Variants in TGM4 observed in about 807,000 individuals in gnomAD.
The protein encoded by TGM4 is protein-glutamine gamma-glutamyltransferase 4.
A neutral mutation model predicts 76.3 loss-of-function variants in TGM4; 61 were observed. The ratio of observed to expected loss-of-function variants is 0.80; its 90% confidence interval spans 0.65 to 0.99. The LOEUF is 0.99. TGM4 is among the 50% of genes least tolerant of loss of function. The pLI, the probability that TGM4 is intolerant of heterozygous loss-of-function variation, is 0.00. For missense variants in TGM4, 794 were observed against 843.2 expected (o/e 0.94, Z 0.72); for synonymous variants, 337 against 329.8 (o/e 1.02, Z -0.24).
chr3:44,895,062 G>A (rs1250927581), intron 5 of TGM4, among the ~76,000 whole-genome samples: 3 of 151,482 alleles, frequency 2.0e-5, no homozygotes, highest in Admixed American at 6.6e-5. Flanking sequence ...TTGGGAGGCC[G>A]AAGCAGGCAG....
chr3:44,896,427 C>G (rs1401600187), intron 5 of TGM4, among the ~76,000 whole-genome samples: 1 of 152,098 alleles, frequency 6.6e-6, no homozygotes, highest in Non-Finnish European at 1.5e-5. Context: ...ATTTATTTGA[C>G]TTGATTACAA....
At chr3:44,896,074 G>A (rs1448165133) in intron 5 of TGM4, among the ~76,000 whole-genome samples, 2 of 151,980 alleles carry the variant, frequency 1.3e-5, no homozygotes, top group Non-Finnish European at 1.5e-5. Flanking sequence ...TCACAATTTT[G>A]TAGCCTGTTT....
intron 8 of TGM4, chr3:44,903,616 T>C: frequency 2.1e-6 from 1 of 468,212 alleles, no homozygotes; most frequent in South Asian, 2.6e-5. Flanking sequence ...CCCAGGCTCT[T>C]TGAAATCCAT....
At position 44,911,330 on chromosome 3, in the gene TGM4, C is replaced by G. The variant is rs752335009; in HGVS notation, c.1837C>G (p.Leu613Val). The G allele has an allele frequency of 1.2e-6, 2 of 1,614,262 alleles. No homozygotes were observed. The highest frequency in any genetic ancestry group is 3.3e-5 in the Admixed American group (2 of 60,034). The change falls in exon 13 of 14, where the codon CTG (leucine) becomes GTG (valine). Residue 613 changes from leucine to valine, a missense_variant. Coordinates refer to ENST00000296125, the MANE Select transcript of TGM4 (RefSeq NM_003241.4). Reference sequence around the variant, plus strand: ...CTGCAATTGTATCTTCAAGAATACCCTGGCCATCCCTTTGACTGACGTCAA... The same window carrying G: ...CTGCAATTGTATCTTCAAGAATACCGTGGCCATCCCTTTGACTGACGTCAA... ...LVCNCIFKNT[L>V]AIPLTDVKFS...
intron 6 of TGM4, chr3:44,899,604 C>T (rs781462014): frequency 1.3e-5 from 2 of 152,168 alleles, no homozygotes; most frequent in African/African-American, 2.4e-5. Flanking sequence ...CTGGCAGGGT[C>T]GCCTAAAGAC....
chr3:44,913,769 C>T lies in TGM4; in HGVS notation c.*44C>T, dbSNP rs1453095473. 3 of 1,588,492 alleles carry T rather than the reference C, an allele frequency of 1.9e-6. No homozygotes were observed. The highest frequency in any genetic ancestry group is 2.7e-5 in the African/African-American group (2 of 73,800). ...AGCCTTAGTTGAGATTTCAGCATTT[C>T]CTACCTTGTGCTTAGCTTTCAGATT... On this transcript the variant is annotated 3_prime_UTR_variant, in exon 14 of 14. Transcript: ENST00000296125.
Position 44,885,434 on chromosome 3 carries a change from C to T in TGM4, c.129C>T (p.His43=), listed in dbSNP as rs752662091. Residue 43 remains histidine (H), a synonymous_variant, in exon 2 of 14, where the codon CAC becomes CAT. Transcript: ENST00000296125. ...TGTTCCGGCGAGGACAGGTGTTTCACCTGCGGCTGGTGCTGAACCAGCCCC... is the reference window on the plus strand; with the variant it reads ...TGTTCCGGCGAGGACAGGTGTTTCATCTGCGGCTGGTGCTGAACCAGCCCC... The part of the protein sequence containing the change: ...SPVFRRGQVF[H]LRLVLNQPLQ... The T allele has an allele frequency of 1.2e-6, 2 of 1,613,626 alleles. No homozygotes were observed. Among genetic ancestry groups the T allele is most frequent in the Admixed American group, 1.7e-5 (1 of 60,014 alleles).
rs200879504 is a variant in TGM4 at position 44,890,623 on chromosome 3, T to G, written c.321T>G (p.Ser107Arg). Residue 107 changes from serine to arginine, a missense_variant, in exon 4 of 14, where the codon AGT (serine) becomes AGG (arginine). Physicochemically the swap from Ser to Arg is moderately radical, Grantham distance 110. Coordinates refer to ENST00000296125, the MANE Select transcript of TGM4 (RefSeq NM_003241.4). ...CTCAGGTCACAGTGGCTGTCACCAG[T>G]TCCCCCAATGCCATCCTGGGCAAGT... The part of the protein sequence containing the change: ...SGKEVTVAVT[S>R]SPNAILGKYQ... 28 of 1,614,068 alleles carry G rather than the reference T, an allele frequency of 1.7e-5. No individual in the cohort carries two copies. The highest frequency in any genetic ancestry group is 3.3e-5 in the Admixed American group (2 of 60,010).
intron 6 of TGM4, among the ~76,000 whole-genome samples, chr3:44,898,280 CAAAAAAAAAA>C (rs35054781): frequency 1.0e-5 from 1 of 98,822 alleles, no homozygotes; most frequent in South Asian, 3.4e-4. Context: ...GACTCTGTCT[CAAAAAAAAAA>C]AAAAAAAAGA....
At position 44,910,988 on chromosome 3, in the gene TGM4, A is replaced by G; in HGVS notation, c.1637A>G (p.Lys546Arg). The change falls in exon 12 of 14, where the codon AAG becomes AGG. Residue 546 changes from lysine (K) to arginine (R), a missense_variant. Lys to Arg is a conservative substitution (Grantham distance 26). Coordinates refer to ENST00000296125, the MANE Select transcript of TGM4 (RefSeq NM_003241.4). The part of the protein sequence containing the change: ...VSEVTLTLDS[K>R]TYINSLAILD... ...GAAGTGACTCTGACCTTGGACTCCA[A>G]GACCTACATCAACAGCCTGGCTATA... The G allele has an allele frequency of 6.2e-7, 1 of 1,614,206 alleles. No individual in the cohort carries two copies. The highest frequency in any genetic ancestry group is 8.5e-7 in the Non-Finnish European group (1 of 1,180,036).
intron 10 of TGM4, among the ~76,000 whole-genome samples, chr3:44,909,748 T>G (rs992769335): frequency 4.6e-5 from 7 of 152,236 alleles, no homozygotes; most frequent in African/African-American, 1.7e-4. Flanking sequence ...GAGATTGTGC[T>G]GTTTTTCTTG....
At chr3:44,887,861 G>A (rs1461802675) in intron 3 of TGM4, 66 bp downstream of exon 3, 1 of 1,402,146 alleles carries the variant, frequency 7.1e-7, no homozygotes, top group East Asian at 2.3e-5. Flanking sequence ...AATGTGAGCA[G>A]CCCCTATCCC....
chr3:44,908,938 T>C (rs1182652038), intron 10 of TGM4, among the ~76,000 whole-genome samples: 1 of 152,214 alleles, frequency 6.6e-6, no homozygotes, highest in Non-Finnish European at 1.5e-5. Context: ...AAGAACATAA[T>C]ATGGCAACTC....
chr3:44,896,726 G>A lies in TGM4; in HGVS notation c.567G>A (p.Leu189=), dbSNP rs141818255. ...WNFGQFEKNV[L]DCCISLLTES... ...CAAAATAGTTTGAGAAAAATGTCCT[G>A]GACTGCTGCATTTCCCTGCTGACTG... is the stretch of plus-strand genomic sequence containing the variant. The change falls in exon 6 of 14, where the codon CTG becomes CTA. Residue 189 remains leucine, a synonymous_variant. Coordinates refer to ENST00000296125, the MANE Select transcript of TGM4 (RefSeq NM_003241.4). 5.0e-6 allele frequency: 8 copies of A among 1,614,094 alleles called. No individual in the cohort carries two copies. Among genetic ancestry groups the A allele is most frequent in the South Asian group, 1.1e-5 (1 of 91,070 alleles).
Position 44,896,779 on chromosome 3 carries a change from G to A in TGM4, c.620G>A (p.Arg207Lys). 6.2e-7 allele frequency: 1 copy of A among 1,614,182 alleles called. No homozygotes were observed. The highest frequency in any genetic ancestry group is 8.5e-7 in the Non-Finnish European group (1 of 1,180,024). ...AGCTCCCTCAAGCCCACAGATAGGA[G>A]GGACCCCGTGCTGGTGTGCAGGGCC... ...TESSLKPTDR[R>K]DPVLVCRAMC... Residue 207 changes from arginine (R) to lysine (K), a missense_variant, in exon 6 of 14, where the codon AGG becomes AAG. Arg to Lys is a conservative substitution (Grantham distance 26). Transcript: ENST00000296125.
At chr3:44,907,310 CAA>C (rs3082589) in intron 10 of TGM4, 110 bp downstream of exon 10, 24,984 of 651,008 alleles carry the variant, frequency 0.038, 36 homozygotes, top group East Asian at 0.11. Flanking sequence ...CCATCCCTAC[CAA>C]AAAAAAAAAA....
Position 44,908,534 on chromosome 3 carries a change from T to G in TGM4, c.1327+1334T>G, listed in dbSNP as rs138362018. 5.8e-3 allele frequency among the ~76,000 whole-genome samples: 871 copies of G among 151,250 alleles called. 2 individuals carry two copies. Among genetic ancestry groups the G allele is most frequent in the Middle Eastern group, 0.041 (12 of 290 alleles). ...CTCAGGTCTCTGAGGCTCTGTTCAC[T>G]CTTCCTCATTGTTTTTCCTTTCTGT... On this transcript the variant is annotated intron_variant, in intron 10 of 13. Coordinates refer to ENST00000296125, the MANE Select transcript of TGM4 (RefSeq NM_003241.4).
intron 3 of TGM4, 88 bp downstream of exon 3, chr3:44,887,883 G>A (rs770978592): frequency 2.6e-6 from 3 of 1,171,758 alleles, no homozygotes; most frequent in Non-Finnish European, 3.8e-6. Flanking sequence ...TTCCTCACCT[G>A]TCAGCTGGTA....
At position 44,913,820 on chromosome 3, in the gene TGM4, T is replaced by C. The variant is rs181639365; in HGVS notation, c.*95T>C. 1.9e-5 allele frequency: 28 copies of C among 1,507,642 alleles called. No homozygotes were observed. The East Asian group carries it at 5.7e-4, about 31-fold the overall frequency. 93.4% of individuals were successfully genotyped at this position (1,507,642 alleles called of 1,614,324 possible). A position where few individuals can be genotyped will look rare whatever the true frequency, so the allele number is the denominator to read the frequency against. ...ATGGATGATTAAATTTGATGACTTATATGAGGGCAGATTCAAGAGCCAGCA... is the reference window on the plus strand; with the variant it reads ...ATGGATGATTAAATTTGATGACTTACATGAGGGCAGATTCAAGAGCCAGCA... On this transcript the variant is annotated 3_prime_UTR_variant, in exon 14 of 14. Transcript: ENST00000296125.
Sources: allele counts gnomAD v4.1 joint callset (sites outside exome capture counted in the v4.1 genomes callset), GRCh38; gene constraint gnomAD v4.1.1; transcripts MANE v1.5; gene names NCBI Gene and HGNC (gene_info 2026-07-23, HGNC 2026-07-21).